CCDC178: variants seen among roughly 807,000 people sequenced by gnomAD.
The protein encoded by CCDC178 is coiled-coil domain containing 178.
CCDC178 carries 126 observed loss-of-function variants against 117.4 expected under a neutral mutation model. The ratio of observed to expected loss-of-function variants is 1.07; its 90% CI spans 0.93 to 1.24. The LOEUF (loss-of-function observed/expected upper bound fraction) is 1.24, where lower values mean the gene tolerates loss of function less well. Among genes scored for constraint, CCDC178 ranks in the 50% most tolerant of loss-of-function variants. The probability of loss-of-function intolerance (pLI) is 0.00; values close to 1 mark genes in which losing one functional copy is unlikely to be tolerated. For missense variants in CCDC178, 1,030 were observed against 986.9 expected, an observed-to-expected ratio of 1.04 and a Z score of -0.59; for synonymous variants, 283 against 313.4, an observed-to-expected ratio of 0.90 and a Z score of 1.02.
At chr18:33,189,365 T>C (rs1412606573) in intron 20 of CCDC178, among the ~76,000 whole-genome samples, 2 of 152,128 alleles carry the variant, frequency 1.3e-5, no homozygotes, top group African/African-American at 2.4e-5. Context: ...ACAAGAACAA[T>C]TGCAATTATG....
chr18:33,121,138 T>C (rs1469449508), intron 20 of CCDC178, among the ~76,000 whole-genome samples: 1 of 152,142 alleles, frequency 6.6e-6, no homozygotes, highest in Non-Finnish European at 1.5e-5. Flanking sequence ...TTAAATCCAT[T>C]AATAAATTCA....
intron 2 of CCDC178, among the ~76,000 whole-genome samples, chr18:33,438,635 A>G (rs1251173174): frequency 6.6e-6 from 1 of 151,980 alleles, no homozygotes; most frequent in Non-Finnish European, 1.5e-5. Flanking sequence ...ACATGCAACC[A>G]TCTGCTTGTA....
chr18:33,307,372 C>G (rs1264669863), intron 11 of CCDC178, among the ~76,000 whole-genome samples: 1 of 152,138 alleles, frequency 6.6e-6, no homozygotes, highest in Admixed American at 6.6e-5. Flanking sequence ...TCTTGCTATG[C>G]AAAGAGACTG....
chr18:33,041,274 C>A (rs1194952759), intron 21 of CCDC178, among the ~76,000 whole-genome samples: 1 of 151,268 alleles, frequency 6.6e-6, no homozygotes, highest in Non-Finnish European at 1.5e-5. Flanking sequence ...CCAGATAATC[C>A]CAAAGCTATT....
At chr18:33,054,156 T>G (rs943096454) in intron 21 of CCDC178, among the ~76,000 whole-genome samples, 13 of 152,180 alleles carry the variant, frequency 8.5e-5, no homozygotes, top group Non-Finnish European at 1.3e-4. Context: ...CTTTAGTCTT[T>G]CCCACTGAGA....
intron 20 of CCDC178, among the ~76,000 whole-genome samples, chr18:33,095,911 G>A (rs565907031): frequency 6.6e-6 from 1 of 151,886 alleles, no homozygotes; most frequent in South Asian, 2.1e-4. Context: ...TTTATTTTGG[G>A]TGAATCATTG....
intron 21 of CCDC178, among the ~76,000 whole-genome samples, chr18:32,994,159 C>A (rs1295914115): frequency 1.3e-5 from 2 of 150,732 alleles, no homozygotes. Context: ...TCCTCAGCAT[C>A]CCCCTCCAAT....
At chr18:33,203,549 A>C (rs2059016299) in intron 20 of CCDC178, among the ~76,000 whole-genome samples, 1 of 152,090 alleles carries the variant, frequency 6.6e-6, no homozygotes, top group African/African-American at 2.4e-5. Context: ...GTTATTATTA[A>C]CTTTACAAGT....
At chr18:33,374,751 A>G (rs886721249) in intron 5 of CCDC178, among the ~76,000 whole-genome samples, 1 of 152,208 alleles carries the variant, frequency 6.6e-6, no homozygotes, top group African/African-American at 2.4e-5. Context: ...GGCTAAATAA[A>G]TTGTGCAATA....
intron 20 of CCDC178, among the ~76,000 whole-genome samples, chr18:33,128,318 T>C (rs1034104518): frequency 5.3e-5 from 8 of 152,318 alleles, no homozygotes; most frequent in African/African-American, 1.7e-4. Context: ...AATTAATTAT[T>C]AAACAACTGT....
intron 21 of CCDC178, among the ~76,000 whole-genome samples, chr18:33,013,242 GCTT>G (rs2055910434): frequency 6.6e-6 from 1 of 151,986 alleles, no homozygotes; most frequent in Admixed American, 6.6e-5. Flanking sequence ...CTGCTTCACA[GCTT>G]CTCTCCAGTA....
At chr18:32,990,509 CTAAT>C (rs1395102459) in intron 21 of CCDC178, among the ~76,000 whole-genome samples, 14 of 151,920 alleles carry the variant, frequency 9.2e-5, no homozygotes, top group African/African-American at 3.4e-4. Context: ...AATGGATAAA[CTAAT>C]TATTTTGACA....
chr18:33,331,105 G>A (rs530908930), intron 10 of CCDC178, among the ~76,000 whole-genome samples: 1 of 134,410 alleles, frequency 7.4e-6, no homozygotes, highest in East Asian at 2.3e-4. Flanking sequence ...TCTTCCAGGT[G>A]CCTAACAACT....
Position 33,118,129 on chromosome 18 carries a change from G to A in CCDC178, c.2239-25219C>T, listed in dbSNP as rs190193265. On this transcript the variant is annotated intron_variant, in intron 20 of 22. Coordinates refer to ENST00000383096, the MANE Select transcript of CCDC178 (RefSeq NM_001105528.4). ...AATGTATTGATAGGCCAATGCTCAT[G>A]GAAGTCACTGGTTTTATCATGTTCC... 2.5e-4 allele frequency among the ~76,000 whole-genome samples: 38 copies of A among 152,172 alleles called. 2 individuals are homozygous for A. The highest frequency in any genetic ancestry group is 2.4e-3 in the Admixed American group (36 of 15,286).
At chr18:33,219,779 G>A (rs1286445219) in intron 18 of CCDC178, among the ~76,000 whole-genome samples, 1 of 151,944 alleles carries the variant, frequency 6.6e-6, no homozygotes, top group African/African-American at 2.4e-5. Flanking sequence ...CTGTCATGGG[G>A]TTGGGGGTGG....
intron 2 of CCDC178, among the ~76,000 whole-genome samples, chr18:33,420,441 C>T (rs145585329): frequency 0.11 from 16,970 of 152,156 alleles, 1,182 homozygotes; most frequent in East Asian, 0.19. Context: ...ACAACCTCTG[C>T]CTCCCAGGTT....
intron 20 of CCDC178, among the ~76,000 whole-genome samples, chr18:33,123,424 T>C (rs1487378952): frequency 1.3e-5 from 2 of 152,146 alleles, no homozygotes; most frequent in South Asian, 2.1e-4. Context: ...CAAATATGTA[T>C]GTCAAATTCA....
chr18:33,251,281 G>A (rs1002970095), intron 14 of CCDC178, among the ~76,000 whole-genome samples: 2 of 151,710 alleles, frequency 1.3e-5, no homozygotes, highest in African/African-American at 4.8e-5. Flanking sequence ...TTGTGTACCA[G>A]TAAGCTGGTA....
intron 20 of CCDC178, among the ~76,000 whole-genome samples, chr18:33,194,946 CAG>C (rs149465796): frequency 0.031 from 3,238 of 105,724 alleles, 43 homozygotes; most frequent in Non-Finnish European, 0.044. Context: ...GAGAGAGAGA[CAG>C]AGAGAGAGAG....
Sources: allele counts gnomAD v4.1 joint callset (sites outside exome capture counted in the v4.1 genomes callset), GRCh38; gene constraint gnomAD v4.1.1; transcripts MANE v1.5; gene names NCBI Gene and HGNC (gene_info 2026-07-23, HGNC 2026-07-21).